ZNF800: variants seen among roughly 807,000 people sequenced by gnomAD.
The protein encoded by ZNF800 is zinc finger protein 800.
In ZNF800, 13 loss-of-function variants were observed where a neutral mutation model predicts 59.5. The observed-to-expected ratio is 0.22, with a 90% CI of 0.14 to 0.35. The LOEUF (loss-of-function observed/expected upper bound fraction) is 0.35. ZNF800 is among the 10% of genes least tolerant of loss of function. The pLI is 1.00. For synonymous variants in ZNF800, 266 were observed against 265.7 expected (o/e 1.00, Z -0.01); for missense variants, 621 against 783.7 (o/e 0.79, Z 2.48).
chr7:127,361,952 A>C (rs542508308), intron 1 of ZNF800: 1 of 152,248 alleles, frequency 6.6e-6, no homozygotes, highest in African/African-American at 2.4e-5. Context: ...AAAAAGCTTA[A>C]AGCAAAACTA....
chr7:127,367,215 T>C (rs182118299), downstream of ZNF800, among the ~76,000 whole-genome samples: 71 of 152,190 alleles, frequency 4.7e-4, no homozygotes, highest in African/African-American at 1.3e-3. Flanking sequence ...TGGAATCCTA[T>C]AAGGCCTGAT....
chr7:127,380,883 T>C (rs543230668), intron 3 of ZNF800, among the ~76,000 whole-genome samples: 1 of 152,334 alleles, frequency 6.6e-6, no homozygotes, highest in Admixed American at 6.5e-5. Flanking sequence ...AGGCTTTTGA[T>C]AGCTAAAGAT....
Position 127,373,555 on chromosome 7 carries a change from T to C in ZNF800, c.1781A>G (p.Asn594Ser), listed in dbSNP as rs1160487582. 2 of 1,614,154 alleles carry C rather than the reference T, an allele frequency of 1.2e-6. No homozygotes were observed. The highest frequency in any genetic ancestry group is 2.2e-5 in the South Asian group (2 of 91,080). The stretch of plus-strand genomic sequence containing the variant: ...TACTTCATACTTTTTACTAGGAGAG[T>C]TAGAAGTGCCATCATGTTTTGAATC... Reference protein sequence around the residue: ...HSDSKHDGTSNSPSKKYEVAD... With the variant: ...HSDSKHDGTSSSPSKKYEVAD... The change falls in exon 5 of 6, where the codon AAC (asparagine) becomes AGC (serine). Residue 594 changes from asparagine (N) to serine (S), a missense_variant. Physicochemically the swap from Asn to Ser is conservative, Grantham distance 46. Coordinates refer to ENST00000265827, the MANE Select transcript of ZNF800 (RefSeq NM_176814.5).
downstream of ZNF800, among the ~76,000 whole-genome samples, chr7:127,368,539 A>C (rs1800559464): frequency 6.6e-6 from 1 of 152,134 alleles, no homozygotes; most frequent in Non-Finnish European, 1.5e-5. Context: ...CTCCAAACTA[A>C]GGATCTAGAA....
rs1800613477 is a variant in ZNF800, at chr7:127,370,743, A to G, written c.*1071T>C. 6.6e-6 allele frequency: 1 copy of G among 152,576 alleles called. No individual in the cohort carries two copies. The highest frequency in any genetic ancestry group is 1.5e-5 in the Non-Finnish European group (1 of 67,966). 9.5% of individuals were successfully genotyped at this position (152,576 alleles called of 1,614,324 possible). ...ATATTGATACACAAAAACCTGCCCA[A>G]AATTTCATAAAGATAGATGTACTTC... On this transcript the variant is annotated 3_prime_UTR_variant, in exon 6 of 6. Coordinates refer to ENST00000265827, the MANE Select transcript of ZNF800 (RefSeq NM_176814.5).
downstream of ZNF800, among the ~76,000 whole-genome samples, chr7:127,346,271 G>T (rs1026418993): frequency 6.6e-6 from 1 of 152,156 alleles, no homozygotes; most frequent in Non-Finnish European, 1.5e-5. Flanking sequence ...AAGGTATGAA[G>T]AGTAGTCTCA....
At chr7:127,358,181 C>A (rs1299708049) in intron 1 of ZNF800, among the ~76,000 whole-genome samples, 1 of 151,904 alleles carries the variant, frequency 6.6e-6, no homozygotes, top group Non-Finnish European at 1.5e-5. Flanking sequence ...AGCATTTCCC[C>A]CTGGAAAAGT....
Position 127,371,941 on chromosome 7 carries a change from A to C in ZNF800, c.*-127T>G, listed in dbSNP as rs184222240. ...TCAAGTTTTCCACACAAATAAAAAA[A>C]CGTGTGATAATCAAACCACAACATT... On this transcript the variant is annotated intron_variant, in intron 5 of 5. Coordinates refer to ENST00000265827, the MANE Select transcript of ZNF800 (RefSeq NM_176814.5). 2.3e-4 allele frequency: 138 copies of C among 595,816 alleles called. No individual in the cohort carries two copies. The East Asian group carries it at 3.9e-3, about 17-fold the overall frequency. 36.9% of individuals were successfully genotyped at this position (595,816 alleles called of 1,614,324 possible). A position where few individuals can be genotyped will look rare whatever the true frequency, so the allele number is the denominator to read the frequency against.
At chr7:127,372,504 A>G in intron 5 of ZNF800, 2 of 588,660 alleles carry the variant, frequency 3.4e-6, no homozygotes, top group Non-Finnish European at 2.1e-6. Context: ...AAAAAGTAGT[A>G]TTTTTCTTTC....
chr7:127,371,119 A>T lies in ZNF800; in HGVS notation c.*695T>A, dbSNP rs1468066102. On this transcript the variant is annotated 3_prime_UTR_variant, in exon 6 of 6. Transcript: ENST00000265827. ...TATAAAATTTAAAGAAAAATAGGGG[A>T]ATGTTTAATTTTCATAAAAACCTAC... 2 of 152,574 alleles carry T rather than the reference A, an allele frequency of 1.3e-5. No individual in the cohort carries two copies. Among genetic ancestry groups the T allele is most frequent in the East Asian group, 1.9e-4 (1 of 5,194 alleles). 9.5% of individuals were successfully genotyped at this position (152,574 alleles called of 1,614,324 possible). A position where few individuals can be genotyped will look rare whatever the true frequency, so the allele number is the denominator to read the frequency against.
intron 3 of ZNF800, among the ~76,000 whole-genome samples, chr7:127,379,836 A>ACCCCCCCCCCCTCC (rs71179574): frequency 3.6e-5 from 1 of 27,636 alleles, no homozygotes; most frequent in South Asian, 2.5e-3. Flanking sequence ...TACCCTTGCC[A>ACCCCCCCCCCCTCC]CCCCCCCACC....
intron 1 of ZNF800, chr7:127,361,661 C>G (rs1562898311): frequency 6.6e-6 from 1 of 152,028 alleles, no homozygotes; most frequent in Non-Finnish European, 1.5e-5. Flanking sequence ...TTCTTCAGAT[C>G]CTAAATGTTT....
intron 1 of ZNF800, among the ~76,000 whole-genome samples, chr7:127,352,619 T>C (rs903164830): frequency 3.3e-5 from 5 of 152,230 alleles, no homozygotes; most frequent in African/African-American, 9.7e-5. Flanking sequence ...GATTTGCCTA[T>C]TGGGAGAAAA....
rs375133903 is a variant in ZNF800, at chr7:127,383,636, A to C, written c.157+2424T>G. 3.3e-5 allele frequency among the ~76,000 whole-genome samples: 5 copies of C among 152,334 alleles called. No individual in the cohort carries two copies. The East Asian group carries it at 9.6e-4, about 29-fold the overall frequency. On this transcript the variant is annotated intron_variant, in intron 3 of 5. Transcript: ENST00000265827. The stretch of plus-strand genomic sequence containing the variant: ...CAAGGTTTTAGTCAGTCTCAACTTA[A>C]ATGCCTTAGTGCTAAAGAAGGGCTA...
At chr7:127,350,986 AGCAAGCACATGAAAATGTGAAGCT>A (rs1185307084) in intron 1 of ZNF800, among the ~76,000 whole-genome samples, 2 of 152,236 alleles carry the variant, frequency 1.3e-5, no homozygotes, top group African/African-American at 4.8e-5. Flanking sequence ...TGATGACATC[AGCAAGCACATGAAAATGTGAAGCT>A]GGATGCACTG....
chr7:127,384,580 T>G (rs1241639096), intron 3 of ZNF800, among the ~76,000 whole-genome samples: 1 of 151,576 alleles, frequency 6.6e-6, no homozygotes, highest in East Asian at 1.9e-4. Flanking sequence ...ACTGACATAG[T>G]ATAACTTCAT....
chr7:127,367,078 G>A (rs1800524567), downstream of ZNF800, among the ~76,000 whole-genome samples: 1 of 152,098 alleles, frequency 6.6e-6, no homozygotes, highest in Non-Finnish European at 1.5e-5. Context: ...TAGCAGCAGA[G>A]AAGCAATACT....
chr7:127,375,233 T>G, intron 4 of ZNF800, among the ~76,000 whole-genome samples, 199 bp from the exon 5 acceptor site: 1 of 152,270 alleles, frequency 6.6e-6, no homozygotes, highest in Non-Finnish European at 1.5e-5. Context: ...ATTCTCATCA[T>G]GATACACAAA....
At position 127,386,294 on chromosome 7, in the gene ZNF800, A is replaced by G. The variant is rs1801138070; in HGVS notation, c.62-139T>C. ...TGTGCCCGCACACACACACGCATAT[A>G]TAATATGTAGATATATATATAATTA... On this transcript the variant is annotated intron_variant, in intron 2 of 5. Coordinates refer to ENST00000265827, the MANE Select transcript of ZNF800 (RefSeq NM_176814.5). The G allele has an allele frequency of 1.2e-5, 6 of 483,832 alleles. No individual in the cohort carries two copies. The East Asian group carries it at 1.3e-4, about 10-fold the overall frequency. 30.0% of individuals were successfully genotyped at this position (483,832 alleles called of 1,614,324 possible). A position where few individuals can be genotyped will look rare whatever the true frequency, so the allele number is the denominator to read the frequency against.
Sources: gnomAD v4.1 joint callset for allele counts (sites outside exome capture counted in the v4.1 genomes callset) on GRCh38, gnomAD v4.1.1 for gene constraint, MANE v1.5 for transcripts, NCBI Gene and HGNC (gene_info 2026-07-23, HGNC 2026-07-21) for gene names.